Variants in NAA15 observed in about 807,000 individuals in gnomAD.
The protein encoded by NAA15 is N-alpha-acetyltransferase 15, NatA auxiliary subunit, also known as N-terminal acetyltransferase.
A neutral mutation model predicts 114.0 loss-of-function variants in NAA15; 34 were observed. The observed-to-expected ratio is 0.30, with a 90% CI of 0.23 to 0.40. NAA15 has a LOEUF of 0.40. Among genes scored for constraint, NAA15 ranks in the 10% least tolerant of loss-of-function variants. The pLI, the probability that NAA15 is intolerant of heterozygous loss-of-function variation, is 1.00. For synonymous variants in NAA15, 340 were observed against 338.0 expected, an observed-to-expected ratio of 1.01 and a Z score of -0.06; for missense variants, 658 against 1,004.5, an observed-to-expected ratio of 0.66 and a Z score of 4.66.
At chr4:139,385,286 A>ATATATATATATAATATATAT (rs1748873405) in intron 18 of NAA15, among the ~76,000 whole-genome samples, 2 of 95,282 alleles carry the variant, frequency 2.1e-5, no homozygotes, top group African/African-American at 8.1e-5. Flanking sequence ...TATATATAAT[A>ATATATATATATAATATATAT]TATATATATA....
chr4:139,371,774 T>G (rs1189058748), intron 15 of NAA15, among the ~76,000 whole-genome samples: 2 of 152,084 alleles, frequency 1.3e-5, no homozygotes, highest in East Asian at 3.8e-4. Flanking sequence ...TGCCCCCACT[T>G]TCTTTATTAC....
Position 139,306,389 on chromosome 4 carries a change from C to T in NAA15, c.54+4558C>T, listed in dbSNP as rs192578602. Reference sequence around the variant, plus strand: ...GATTACAGGCGCCTGCCACCACACTCGGCTAATTTTTTTTTTTGTATTTTT... The same window carrying T: ...GATTACAGGCGCCTGCCACCACACTTGGCTAATTTTTTTTTTTGTATTTTT... On this transcript the variant is annotated intron_variant, in intron 1 of 19. Transcript: ENST00000296543. 2.9e-3 allele frequency among the ~76,000 whole-genome samples: 417 copies of T among 144,510 alleles called. 6 individuals carry two copies. Among genetic ancestry groups the T allele is most frequent in the African/African-American group, 0.01 (392 of 37,720 alleles). The allele number at this position is 144,510 out of a possible 152,430, so 94.8% of individuals were successfully genotyped here.
chr4:139,344,083 G>T (rs116034207), intron 5 of NAA15, 103 bp from the exon 6 acceptor site: 1 of 993,350 alleles, frequency 1.0e-6, no homozygotes, highest in Admixed American at 2.7e-5. Flanking sequence ...TTTATCAACC[G>T]GATGTTATCC....
At chr4:139,386,377 T>C in intron 19 of NAA15, 147 bp downstream of exon 19, 1 of 473,198 alleles carries the variant, frequency 2.1e-6, no homozygotes, top group South Asian at 3.7e-5. Flanking sequence ...TTAGGCTGCT[T>C]GGCATTCAGT....
Position 139,386,238 on chromosome 4 carries a change from G to A in NAA15, c.2400+8G>A, listed in dbSNP as rs1748907161. On this transcript the variant is annotated splice_region_variant and intron_variant, in intron 19 of 19. Transcript: ENST00000296543. ...ACTAACAGAAACCTCCAGGTAAAGAGTTTTTCATAATCTCTCTGTAAGAAT... is the reference window on the plus strand; with the variant it reads ...ACTAACAGAAACCTCCAGGTAAAGAATTTTTCATAATCTCTCTGTAAGAAT... 6.6e-7 allele frequency: 1 copy of A among 1,514,786 alleles called. No homozygotes were observed. The allele number at this position is 1,514,786 out of a possible 1,614,324, so 93.8% of individuals were successfully genotyped here.
At chr4:139,306,613 G>A (rs895653827) in intron 1 of NAA15, among the ~76,000 whole-genome samples, 1 of 145,416 alleles carries the variant, frequency 6.9e-6, no homozygotes, top group Non-Finnish European at 1.5e-5. Context: ...TTTTTGTTTT[G>A]TTTTGTTTTG....
At position 139,387,848 on chromosome 4, in the gene NAA15, T is replaced by A. The variant is rs762730608; in HGVS notation, c.2401-36T>A. 13 of 1,542,250 alleles carry A rather than the reference T, an allele frequency of 8.4e-6. No homozygotes were observed. The South Asian group carries it at 1.5e-4, about 18-fold the overall frequency. On this transcript the variant is annotated intron_variant, in intron 19 of 19. Transcript: ENST00000296543. ...TAAATTCCCAGTAAGAACCTTTTTTTGACCAGTTACAACATGACTTTTTTT... is the reference window on the plus strand; with the variant it reads ...TAAATTCCCAGTAAGAACCTTTTTTAGACCAGTTACAACATGACTTTTTTT...
intron 1 of NAA15, 115 bp downstream of exon 1, chr4:139,301,946 A>G (rs1368287875): frequency 2.6e-6 from 3 of 1,163,940 alleles, no homozygotes; most frequent in Non-Finnish European, 2.4e-6. Flanking sequence ...CCCCGCCTTC[A>G]TAGCTCTCGT....
At chr4:139,333,466 C>T (rs1393727779) in intron 1 of NAA15, among the ~76,000 whole-genome samples, 2 of 151,598 alleles carry the variant, frequency 1.3e-5, no homozygotes, top group African/African-American at 4.9e-5. Context: ...TGAGATTTCA[C>T]TATGATATGT....
In NAA15 at chr4:139,387,794, T is replaced by C. The variant is rs1463058096; in HGVS notation, c.2401-90T>C. The C allele has an allele frequency of 7.1e-6, 7 of 984,852 alleles. No homozygotes were observed. The African/African-American group carries it at 9.8e-5, about 14-fold the overall frequency. 61.0% of individuals were successfully genotyped at this position (984,852 alleles called of 1,614,324 possible). On this transcript the variant is annotated intron_variant, in intron 19 of 19. Coordinates refer to ENST00000296543, the MANE Select transcript of NAA15 (RefSeq NM_057175.5). ...AAATATGTGTATTTATTTCTTATTT[T>C]AGAAATCTCTTGCTGTTGAAATGTC...
chr4:139,373,530 A>C (rs932124479), intron 15 of NAA15, among the ~76,000 whole-genome samples: 5 of 152,196 alleles, frequency 3.3e-5, no homozygotes, highest in African/African-American at 9.7e-5. Flanking sequence ...GGGAATTAGT[A>C]AGGTCAGTAT....
chr4:139,383,340 C>G (rs1469470470), intron 17 of NAA15, among the ~76,000 whole-genome samples: 1 of 152,206 alleles, frequency 6.6e-6, no homozygotes, highest in Admixed American at 6.5e-5. Flanking sequence ...CCAAGTCTAA[C>G]TGGCTTCAAA....
chr4:139,349,077 G>A (rs1747694171), intron 6 of NAA15, among the ~76,000 whole-genome samples: 1 of 152,204 alleles, frequency 6.6e-6, no homozygotes, highest in African/African-American at 2.4e-5. Context: ...CTGATTAAGG[G>A]ATCATAAGGT....
At chr4:139,337,060 A>G (rs1747222885) in intron 3 of NAA15, 108 bp downstream of exon 3, 11 of 546,582 alleles carry the variant, frequency 2.0e-5, no homozygotes, top group South Asian at 6.1e-5. Context: ...TACAGAGGAA[A>G]TTATTTTTTA....
intron 1 of NAA15, among the ~76,000 whole-genome samples, chr4:139,332,445 A>T (rs1747045388): frequency 6.6e-6 from 1 of 151,964 alleles, no homozygotes; most frequent in African/African-American, 2.4e-5. Context: ...AGTGCCTTTT[A>T]AAAAATTTAT....
intron 1 of NAA15, among the ~76,000 whole-genome samples, chr4:139,330,271 T>C (rs1331676813): frequency 1.3e-5 from 2 of 152,248 alleles, no homozygotes; most frequent in Non-Finnish European, 2.9e-5. Flanking sequence ...CTTCCTTTAG[T>C]GCTTTCTTAT....
At chr4:139,332,584 T>G (rs564820155) in intron 1 of NAA15, among the ~76,000 whole-genome samples, 3 of 123,016 alleles carry the variant, frequency 2.4e-5, no homozygotes, top group East Asian at 2.3e-4. Context: ...TTTTTTTTTT[T>G]TTTTTTTTTT....
intron 15 of NAA15, among the ~76,000 whole-genome samples, chr4:139,371,063 C>T (rs72726525): frequency 0.028 from 4,274 of 152,244 alleles, 97 homozygotes; most frequent in Middle Eastern, 0.068. Flanking sequence ...TCTTTTGACC[C>T]TAGACATCTT....
chr4:139,364,099 C>A (rs188303082), intron 14 of NAA15, among the ~76,000 whole-genome samples: 1 of 152,312 alleles, frequency 6.6e-6, no homozygotes, highest in Admixed American at 6.5e-5. Flanking sequence ...TTGTCTTGAG[C>A]CCCTTGGCTC....
Sources: gnomAD v4.1 joint callset for allele counts (sites outside exome capture counted in the v4.1 genomes callset) on GRCh38, gnomAD v4.1.1 for gene constraint, MANE v1.5 for transcripts, NCBI Gene and HGNC (gene_info 2026-07-23, HGNC 2026-07-21) for gene names.